Variants in KCNJ3 observed in about 807,000 individuals in gnomAD.
KCNJ3 encodes G protein-activated inward rectifier potassium channel 1.
KCNJ3 carries 4 observed loss-of-function variants against 39.2 expected under a neutral mutation model. That is an observed-to-expected ratio of 0.10 (90% confidence interval 0.05 to 0.23). The LOEUF (loss-of-function observed/expected upper bound fraction) is 0.23, where lower values mean the gene tolerates loss of function less well. KCNJ3 is among the 10% of genes least tolerant of loss of function. The pLI, the probability that KCNJ3 is intolerant of heterozygous loss-of-function variation, is 1.00. For missense variants in KCNJ3, 276 were observed against 634.9 expected, an observed-to-expected ratio of 0.43 and a Z score of 6.08; for synonymous variants, 230 against 237.4, an observed-to-expected ratio of 0.97 and a Z score of 0.29.
At chr2:154,811,361 A>T (rs2105101713) in intron 2 of KCNJ3, among the ~76,000 whole-genome samples, 1 of 152,280 alleles carries the variant, frequency 6.6e-6, no homozygotes, top group South Asian at 2.1e-4. Flanking sequence ...TCCTCAGGAA[A>T]GATAAGTGTT....
intron 2 of KCNJ3, among the ~76,000 whole-genome samples, chr2:154,815,974 T>C (rs767352166): frequency 3.9e-5 from 6 of 152,202 alleles, no homozygotes; most frequent in Admixed American, 2.0e-4. Context: ...AGTGTTTTAG[T>C]ATTTTTCAGA....
chr2:154,790,442 A>G (rs1428546245), intron 2 of KCNJ3, among the ~76,000 whole-genome samples: 1 of 151,960 alleles, frequency 6.6e-6, no homozygotes, highest in Non-Finnish European at 1.5e-5. Context: ...TCTCTTACAT[A>G]CTTATTCTGA....
chr2:154,749,446 A>G (rs1048702807), intron 2 of KCNJ3, among the ~76,000 whole-genome samples: 2 of 152,066 alleles, frequency 1.3e-5, no homozygotes, highest in African/African-American at 4.8e-5. Flanking sequence ...AACATTTAGC[A>G]GGCATGTTGT....
intron 2 of KCNJ3, among the ~76,000 whole-genome samples, chr2:154,780,659 G>A (rs1686424160): frequency 6.6e-6 from 1 of 151,994 alleles, no homozygotes; most frequent in Non-Finnish European, 1.5e-5. Flanking sequence ...CTGAGATATG[G>A]GCTACAGGGT....
intron 2 of KCNJ3, among the ~76,000 whole-genome samples, chr2:154,788,341 A>G (rs966119957): frequency 3.9e-5 from 6 of 152,178 alleles, no homozygotes; most frequent in African/African-American, 1.4e-4. Context: ...TCTGGTAGAT[A>G]GGAATTGCTT....
chr2:154,735,470 A>C (rs188301244), intron 2 of KCNJ3, among the ~76,000 whole-genome samples: 4 of 152,272 alleles, frequency 2.6e-5, no homozygotes, highest in Non-Finnish European at 5.9e-5. Context: ...AGATTGGAAG[A>C]CAATCAGTTT....
At chr2:154,705,502 T>C (rs1387865893) in intron 1 of KCNJ3, among the ~76,000 whole-genome samples, 1 of 152,146 alleles carries the variant, frequency 6.6e-6, no homozygotes, top group Non-Finnish European at 1.5e-5. Context: ...TAGTTGATTA[T>C]CTTATAGGCC....
intron 2 of KCNJ3, among the ~76,000 whole-genome samples, chr2:154,751,677 G>A (rs1277892646): frequency 6.6e-6 from 1 of 152,060 alleles, no homozygotes; most frequent in African/African-American, 2.4e-5. Flanking sequence ...TGTTAGGGCT[G>A]TCTTAATAAA....
intron 2 of KCNJ3, among the ~76,000 whole-genome samples, chr2:154,767,520 CT>C (rs543576622): frequency 1.5e-4 from 23 of 152,154 alleles, no homozygotes; most frequent in South Asian, 4.2e-4. Flanking sequence ...TGAACTCATC[CT>C]TTTTTTATGG....
intron 2 of KCNJ3, among the ~76,000 whole-genome samples, chr2:154,743,066 C>T (rs2105176156): frequency 6.6e-6 from 1 of 151,866 alleles, no homozygotes. Context: ...TAAAATTCAA[C>T]TTCATTCTTT....
At chr2:154,837,974 A>C (rs1405989342) in intron 2 of KCNJ3, among the ~76,000 whole-genome samples, 1 of 152,232 alleles carries the variant, frequency 6.6e-6, no homozygotes, top group Admixed American at 6.5e-5. Flanking sequence ...GGCAGAAAGG[A>C]AATTTTAATA....
At chr2:154,815,919 G>A (rs2105105548) in intron 2 of KCNJ3, among the ~76,000 whole-genome samples, 1 of 152,178 alleles carries the variant, frequency 6.6e-6, no homozygotes, top group East Asian at 1.9e-4. Flanking sequence ...TACTCATCAG[G>A]GAAGTGTTTC....
At chr2:154,729,993 C>CTAAA (rs1685423260) in intron 2 of KCNJ3, among the ~76,000 whole-genome samples, 1 of 152,014 alleles carries the variant, frequency 6.6e-6, no homozygotes. Context: ...TCTTACCCTC[C>CTAAA]TTTACCGTCT....
At position 154,821,635 on chromosome 2, in the gene KCNJ3, A is replaced by ATTTTTTTTTTT. The variant is rs71422263; in HGVS notation, c.920-33078_920-33068dup. Among the ~76,000 whole-genome samples, 64 of 88,076 alleles carry ATTTTTTTTTTT rather than the reference A, an allele frequency of 7.3e-4. 1 individual carries two copies. The highest frequency in any genetic ancestry group is 9.6e-4 in the Non-Finnish European group (46 of 48,162). 57.8% of individuals were successfully genotyped at this position (88,076 alleles called of 152,430 possible). A position where few individuals can be genotyped will look rare whatever the true frequency, so the allele number is the denominator to read the frequency against. On this transcript the variant is annotated intron_variant, in intron 2 of 2. Transcript: ENST00000295101. ...CAAAAAAAGAAAAAGAGAATATGTGATTTTTTTTTTTTTTTTTTTTTTTTG... is the reference window on the plus strand; with the variant it reads ...CAAAAAAAGAAAAAGAGAATATGTGATTTTTTTTTTTTTTTTTTTTTTTTTTTTTTTTTTTG...
chr2:154,800,227 T>G (rs1686788967), intron 2 of KCNJ3, among the ~76,000 whole-genome samples: 1 of 152,226 alleles, frequency 6.6e-6, no homozygotes, highest in African/African-American at 2.4e-5. Context: ...GAAAGCTTAC[T>G]ATTAATAACT....
At chr2:154,808,716 A>G (rs1686959228) in intron 2 of KCNJ3, among the ~76,000 whole-genome samples, 1 of 152,082 alleles carries the variant, frequency 6.6e-6, no homozygotes, top group South Asian at 2.1e-4. Flanking sequence ...CTCTTCAACC[A>G]TTTTTATTTT....
At chr2:154,821,704 C>A (rs888719014) in intron 2 of KCNJ3, among the ~76,000 whole-genome samples, 1 of 123,884 alleles carries the variant, frequency 8.1e-6, no homozygotes. Flanking sequence ...TTTAGTGGTG[C>A]GATCTCCGCT....
chr2:154,781,428 C>T (rs954361820), intron 2 of KCNJ3, among the ~76,000 whole-genome samples: 7 of 152,108 alleles, frequency 4.6e-5, no homozygotes, highest in East Asian at 1.9e-4. Flanking sequence ...CGAAATTATC[C>T]GTAACTTTTC....
intron 2 of KCNJ3, among the ~76,000 whole-genome samples, chr2:154,818,715 C>T (rs1047371896): frequency 6.6e-6 from 1 of 152,024 alleles, no homozygotes; most frequent in African/African-American, 2.4e-5. Context: ...ATTGTAATGA[C>T]AAGAGTATTC....
Sources: allele counts gnomAD v4.1 joint callset (sites outside exome capture counted in the v4.1 genomes callset), GRCh38; gene constraint gnomAD v4.1.1; transcripts MANE v1.5; gene names NCBI Gene and HGNC (gene_info 2026-07-23, HGNC 2026-07-21).